The following ERBB4 variants were observed in gnomAD, a reference collection of about 807,000 sequenced individuals.
ERBB4 encodes erb-b2 receptor tyrosine kinase 4.
Under a neutral mutation model 158.0 loss-of-function variants are expected in ERBB4, and 42 were observed. That is an observed-to-expected ratio of 0.27 (90% CI 0.21 to 0.34). ERBB4 has a LOEUF of 0.34. Among genes scored for constraint, ERBB4 ranks in the 10% least tolerant of loss-of-function variants. The pLI is 1.00. For synonymous variants in ERBB4, 583 were observed against 558.7 expected, an observed-to-expected ratio of 1.04 and a Z score of -0.61; for missense variants, 1,333 against 1,624.1, an observed-to-expected ratio of 0.82 and a Z score of 3.08.
At chr2:212,355,591 A>G (rs770458731) in intron 1 of ERBB4, among the ~76,000 whole-genome samples, 3 of 151,994 alleles carry the variant, frequency 2.0e-5, no homozygotes, top group Non-Finnish European at 2.9e-5. Context: ...TTATGAGCCT[A>G]TTTTTCCCAG....
chr2:211,752,459 T>A (rs2075159507), intron 4 of ERBB4, among the ~76,000 whole-genome samples: 1 of 148,922 alleles, frequency 6.7e-6, no homozygotes, highest in South Asian at 2.1e-4. Flanking sequence ...ATATTTGGCC[T>A]TATTCTTTGT....
chr2:212,388,520 G>A (rs2090753472), intron 1 of ERBB4, among the ~76,000 whole-genome samples: 1 of 152,016 alleles, frequency 6.6e-6, no homozygotes, highest in Non-Finnish European at 1.5e-5. Context: ...GGAAATCTGA[G>A]CAGCCAGAGC....
At chr2:211,590,913 T>C (rs553337917) in intron 19 of ERBB4, among the ~76,000 whole-genome samples, 68 of 152,298 alleles carry the variant, frequency 4.5e-4, no homozygotes, top group Non-Finnish European at 8.1e-4. Context: ...AGCAGCAACT[T>C]AAAAACTTTT....
chr2:211,389,635 A>G (rs1446135313), intron 25 of ERBB4, among the ~76,000 whole-genome samples: 3 of 152,200 alleles, frequency 2.0e-5, no homozygotes, highest in African/African-American at 7.2e-5. Flanking sequence ...AGTCAGAGAT[A>G]TATTTAATAT....
At chr2:212,041,489 G>A (rs1016613333) in intron 2 of ERBB4, among the ~76,000 whole-genome samples, 1 of 151,508 alleles carries the variant, frequency 6.6e-6, no homozygotes, top group African/African-American at 2.4e-5. Flanking sequence ...TTAATTTTCA[G>A]CCAGCTTAAT....
rs1324071358 is a variant in ERBB4, at chr2:212,293,851, AAAAAAAAC to A, written c.83-168956_83-168949del. Among the ~76,000 whole-genome samples the A allele has an allele frequency of 3.9e-5, 5 of 127,522 alleles. 1 individual carries two copies. Among genetic ancestry groups the A allele is most frequent in the African/African-American group, 8.6e-5 (3 of 34,912 alleles). The allele number at this position is 127,522 out of a possible 152,430, so 83.7% of individuals were successfully genotyped here. Reference sequence around the variant, plus strand: ...TGACAGAGGAAGACTCTGTCTCAAAAAAAAAAACAAAAAAAAAAAAAACATACATTTGT... The same window carrying A: ...TGACAGAGGAAGACTCTGTCTCAAAAAAAAAAAAAAAAAACATACATTTGT... On this transcript the variant is annotated intron_variant, in intron 1 of 27. Transcript: ENST00000342788.
intron 1 of ERBB4, among the ~76,000 whole-genome samples, chr2:212,381,489 T>C (rs1464719459): frequency 4.6e-5 from 7 of 151,364 alleles, no homozygotes; most frequent in Non-Finnish European, 1.0e-4. Context: ...TAGTGAGACA[T>C]TACTTTTTCC....
At chr2:211,582,638 T>C (rs1428621122) in intron 19 of ERBB4, among the ~76,000 whole-genome samples, 1 of 152,188 alleles carries the variant, frequency 6.6e-6, no homozygotes, top group Non-Finnish European at 1.5e-5. Context: ...GTTACTTAGA[T>C]TAAAAGAATT....
At chr2:211,929,483 G>T (rs573830915) in intron 3 of ERBB4, among the ~76,000 whole-genome samples, 1 of 152,174 alleles carries the variant, frequency 6.6e-6, no homozygotes, top group East Asian at 1.9e-4. Context: ...CCTCCAGCAT[G>T]TTCTCCCCAT....
intron 20 of ERBB4, among the ~76,000 whole-genome samples, chr2:211,480,656 C>T (rs962358241): frequency 1.3e-5 from 2 of 152,130 alleles, no homozygotes; most frequent in Admixed American, 1.3e-4. Flanking sequence ...GACTAATACA[C>T]TTGGGTATGA....
At chr2:211,475,348 T>C (rs2064928249) in intron 20 of ERBB4, among the ~76,000 whole-genome samples, 1 of 152,078 alleles carries the variant, frequency 6.6e-6, no homozygotes, top group Non-Finnish European at 1.5e-5. Flanking sequence ...TCTCCTTAAC[T>C]ACTTGATGAC....
At chr2:211,455,067 G>A (rs887721430) in intron 20 of ERBB4, among the ~76,000 whole-genome samples, 12 of 152,170 alleles carry the variant, frequency 7.9e-5, no homozygotes, top group Non-Finnish European at 1.5e-4. Flanking sequence ...ATCTTCAACG[G>A]TGCTTCTCTG....
At chr2:212,346,311 C>T (rs1023769981) in intron 1 of ERBB4, among the ~76,000 whole-genome samples, 2 of 151,656 alleles carry the variant, frequency 1.3e-5, no homozygotes, top group East Asian at 1.9e-4. Context: ...AATGATGGCC[C>T]CCCCCAAGAA....
chr2:211,996,668 C>T (rs898820318), intron 2 of ERBB4, among the ~76,000 whole-genome samples: 2 of 152,056 alleles, frequency 1.3e-5, no homozygotes, highest in African/African-American at 4.8e-5. Flanking sequence ...ATGTGCAAAC[C>T]TTGATTACTC....
At chr2:212,533,302 G>A (rs1692857649) in intron 1 of ERBB4, among the ~76,000 whole-genome samples, 1 of 152,152 alleles carries the variant, frequency 6.6e-6, no homozygotes, top group Non-Finnish European at 1.5e-5. Flanking sequence ...CAATTTAGTG[G>A]AATGTATCTC....
chr2:211,702,561 G>A (rs890382469), intron 11 of ERBB4, among the ~76,000 whole-genome samples: 2 of 152,002 alleles, frequency 1.3e-5, no homozygotes, highest in Non-Finnish European at 2.9e-5. Context: ...TCCTCTTTAT[G>A]TAATAGATTT....
At chr2:211,776,903 C>A (rs147366606) in intron 4 of ERBB4, among the ~76,000 whole-genome samples, 1 of 151,946 alleles carries the variant, frequency 6.6e-6, no homozygotes, top group Non-Finnish European at 1.5e-5. Context: ...GGTAGGAGGG[C>A]CTTAAGATTT....
intron 2 of ERBB4, among the ~76,000 whole-genome samples, chr2:212,047,542 G>A (rs1394821806): frequency 2.0e-5 from 3 of 151,606 alleles, no homozygotes; most frequent in Non-Finnish European, 4.4e-5. Context: ...GCTTGATCTT[G>A]GCTCACTGCA....
At chr2:212,183,819 CT>C (rs2081941877) in intron 1 of ERBB4, among the ~76,000 whole-genome samples, 1 of 152,048 alleles carries the variant, frequency 6.6e-6, no homozygotes, top group Non-Finnish European at 1.5e-5. Flanking sequence ...TTTACTATTG[CT>C]GGTCAAGAAC....
Sources: gnomAD v4.1 joint callset for allele counts (sites outside exome capture counted in the v4.1 genomes callset) on GRCh38, gnomAD v4.1.1 for gene constraint, MANE v1.5 for transcripts, NCBI Gene and HGNC (gene_info 2026-07-23, HGNC 2026-07-21) for gene names.